Variants in LAMA1 observed in about 807,000 individuals in gnomAD.
LAMA1 encodes the protein laminin subunit alpha 1.
LAMA1 carries 219 observed loss-of-function variants against 348.7 expected under a neutral mutation model. The ratio of observed to expected loss-of-function variants is 0.63; its 90% CI spans 0.56 to 0.70. The LOEUF (loss-of-function observed/expected upper bound fraction) is 0.70, where lower values mean the gene tolerates loss of function less well. Ranked by LOEUF, LAMA1 falls within the 30% of genes least tolerant of loss-of-function variation. The probability of loss-of-function intolerance (pLI) is 0.00; values close to 1 mark genes in which losing one functional copy is unlikely to be tolerated. For synonymous variants in LAMA1, 1,487 were observed against 1,491.0 expected (o/e 1.00, Z 0.06); for missense variants, 3,744 against 3,888.0 (o/e 0.96, Z 0.99).
intron 26 of LAMA1, 47 bp downstream of exon 26, chr18:7,010,153 A>AT (rs769449386): frequency 6.2e-7 from 1 of 1,601,592 alleles, no homozygotes; most frequent in Non-Finnish European, 8.6e-7. Context: ...CATCCATAGC[A>AT]AAGTCAATGT....
intron 1 of LAMA1, among the ~76,000 whole-genome samples, chr18:7,096,220 G>A (rs969610540): frequency 1.3e-4 from 20 of 152,192 alleles, no homozygotes; most frequent in African/African-American, 4.8e-4. Flanking sequence ...ACATTCCAGA[G>A]GCACCCTGCT....
At chr18:7,042,049 G>A in intron 9 of LAMA1, 96 bp downstream of exon 9, 3 of 837,014 alleles carry the variant, frequency 3.6e-6, no homozygotes, top group South Asian at 1.4e-5. Context: ...CAATAATCAT[G>A]TTACCAACTG....
At position 7,021,841 on chromosome 18, in the gene LAMA1, ATTATATTATAT is replaced by A. The variant is rs556945103; in HGVS notation, c.2701+1312_2701+1322del. 6.5e-3 allele frequency among the ~76,000 whole-genome samples: 440 copies of A among 67,240 alleles called. 4 individuals carry two copies. Among genetic ancestry groups the A allele is most frequent in the African/African-American group, 0.031 (415 of 13,464 alleles). 44.1% of individuals were successfully genotyped at this position (67,240 alleles called of 152,430 possible). On this transcript the variant is annotated intron_variant, in intron 19 of 62. Transcript: ENST00000389658. ...TATATATTATATAATATAATAATAT[ATTATATTATAT>A]TATATATATTATATATTAGAAAATA...
In LAMA1 at chr18:6,975,565, G is replaced by A. The variant is rs114951386; in HGVS notation, c.6489+372C>T. ...TTCTCACTGGCACAGCCAAGGTATCGAAGACCTTTCATAGGCACTTGCCAT... is the reference window on the plus strand; with the variant it reads ...TTCTCACTGGCACAGCCAAGGTATCAAAGACCTTTCATAGGCACTTGCCAT... On this transcript the variant is annotated intron_variant, in intron 45 of 62. Coordinates refer to ENST00000389658, the MANE Select transcript of LAMA1 (RefSeq NM_005559.4). Among the ~76,000 whole-genome samples, 431 of 152,272 alleles carry A rather than the reference G, an allele frequency of 2.8e-3. 1 individual carries two copies. The highest frequency in any genetic ancestry group is 9.7e-3 in the African/African-American group (403 of 41,562).
At chr18:6,996,329 G>A (rs2057781124) in intron 33 of LAMA1, among the ~76,000 whole-genome samples, 1 of 152,028 alleles carries the variant, frequency 6.6e-6, no homozygotes, top group Admixed American at 6.6e-5. Context: ...CACACCTAAG[G>A]AAGTCCTAAG....
chr18:7,043,990 C>T (rs1307552325), intron 7 of LAMA1, among the ~76,000 whole-genome samples: 1 of 151,740 alleles, frequency 6.6e-6, no homozygotes, highest in Non-Finnish European at 1.5e-5. Flanking sequence ...CCCGTCTCTA[C>T]TAAAAATACA....
At chr18:7,083,750 A>G (rs2058202962) in intron 1 of LAMA1, among the ~76,000 whole-genome samples, 1 of 152,118 alleles carries the variant, frequency 6.6e-6, no homozygotes, top group Non-Finnish European at 1.5e-5. Flanking sequence ...GCAAAGAACC[A>G]CATCTGTTCC....
intron 3 of LAMA1, among the ~76,000 whole-genome samples, chr18:7,063,938 C>T (rs1045248938): frequency 3.3e-5 from 5 of 152,030 alleles, no homozygotes; most frequent in East Asian, 1.9e-4. Context: ...ATGGTGGTGA[C>T]GGTTGCACAA....
Position 6,965,286 on chromosome 18 carries a change from A to T in LAMA1, c.7195+2T>A, listed in dbSNP as rs746280012. 15 of 1,613,998 alleles carry T rather than the reference A, an allele frequency of 9.3e-6. No homozygotes were observed. Among genetic ancestry groups the T allele is most frequent in the Non-Finnish European group, 1.3e-5 (15 of 1,180,012 alleles). On this transcript the variant is annotated splice_donor_variant, in intron 50 of 62. Coordinates refer to ENST00000389658, the MANE Select transcript of LAMA1 (RefSeq NM_005559.4). LOFTEE classifies it high-confidence loss of function. ...ATCTGGTGAGTCCATCTGTGTCCCT[A>T]CCTTGCTTCCGGTTTCGCTGGAAGG...
chr18:6,959,645 G>T (rs2057598053), intron 53 of LAMA1, 153 bp from the exon 54 acceptor site: 1 of 773,210 alleles, frequency 1.3e-6, no homozygotes, highest in African/African-American at 1.7e-5. Context: ...GTTACATTTT[G>T]TATGTTACTT....
rs1359532471 is a variant in LAMA1 at position 7,008,626 on chromosome 18, T to C, written c.4002-18A>G. 3 of 1,613,506 alleles carry C rather than the reference T, an allele frequency of 1.9e-6. No individual in the cohort carries two copies. Among genetic ancestry groups the C allele is most frequent in the South Asian group, 2.2e-5 (2 of 91,088 alleles). On this transcript the variant is annotated intron_variant, in intron 27 of 62. Transcript: ENST00000389658. ...CTGAGATTCTGTGCAGCCATCATGTTAAGAGAGGAAACGCTAACATTTGAA... is the reference window on the plus strand; with the variant it reads ...CTGAGATTCTGTGCAGCCATCATGTCAAGAGAGGAAACGCTAACATTTGAA...
At position 6,982,901 on chromosome 18, in the gene LAMA1, T is replaced by G. The variant is rs77841014; in HGVS notation, c.5796+198A>C. ...TGTGAGATTGTTCTCATCTCCACAC[T>G]GGTTTCTAGTCTGTATAAAGAAGTA... On this transcript the variant is annotated intron_variant, in intron 40 of 62. Coordinates refer to ENST00000389658, the MANE Select transcript of LAMA1 (RefSeq NM_005559.4). Among the ~76,000 whole-genome samples, 350 of 152,368 alleles carry G rather than the reference T, an allele frequency of 2.3e-3. 2 individuals are homozygous for G. The highest frequency in any genetic ancestry group is 7.9e-3 in the African/African-American group (330 of 41,594).
intron 41 of LAMA1, among the ~76,000 whole-genome samples, chr18:6,981,113 A>AG (rs2057710044): frequency 1.3e-5 from 2 of 152,130 alleles, no homozygotes; most frequent in African/African-American, 2.4e-5. Flanking sequence ...AAAAAAAAAA[A>AG]AAAAGAAATT....
Position 7,016,521 on chromosome 18 carries a change from A to G in LAMA1, c.2959T>C (p.Phe987Leu). The change falls in exon 21 of 63, where the codon TTC (phenylalanine) becomes CTC (leucine). Residue 987 changes from phenylalanine to leucine, a missense_variant. Around this residue, in one of 3 missense-constraint regions of LAMA1, gnomAD observed 1,529 missense variants for 1,689.4 expected, o/e 0.91. Coordinates refer to ENST00000389658, the MANE Select transcript of LAMA1 (RefSeq NM_005559.4). Reference protein sequence around the residue: ...GKRCDRCAHGFYAYQDGSCTP... With the variant: ...GKRCDRCAHGLYAYQDGSCTP... The stretch of plus-strand genomic sequence containing the variant: ...CAGCTACCATCCTGGTAGGCGTAGA[A>G]GCCATGGGCACACCTGTCACACCTT... The G allele has an allele frequency of 6.2e-7, 1 of 1,614,212 alleles. No individual in the cohort carries two copies. Among genetic ancestry groups the G allele is most frequent in the Non-Finnish European group, 8.5e-7 (1 of 1,180,048 alleles).
chr18:7,034,759 A>C (rs2057986944), intron 13 of LAMA1, 69 bp from the exon 14 acceptor site: 2 of 1,463,722 alleles, frequency 1.4e-6, no homozygotes, highest in African/African-American at 2.8e-5. Context: ...ATAAAATCAA[A>C]TTTTGTATTC....
Position 7,007,181 on chromosome 18 carries a change from G to C in LAMA1, c.4218C>G (p.Asn1406Lys). 6.2e-7 allele frequency: 1 copy of C among 1,614,180 alleles called. No homozygotes were observed. Among genetic ancestry groups the C allele is most frequent in the Non-Finnish European group, 8.5e-7 (1 of 1,180,032 alleles). The change falls in exon 29 of 63, where the codon AAC becomes AAG. Residue 1406 changes from asparagine to lysine, a missense_variant. By Grantham distance (94) the Asn-to-Lys change is moderately conservative. Coordinates refer to ENST00000389658, the MANE Select transcript of LAMA1 (RefSeq NM_005559.4). Reference protein sequence around the residue: ...LVAPCVPCSCNNHSDTCDPNT... With the variant: ...LVAPCVPCSCKNHSDTCDPNT... The stretch of plus-strand genomic sequence containing the variant: ...TGGGGTCACAGGTGTCACTGTGGTT[G>C]TTGCAACTGCAGGGAACACAAGGAG...
intron 7 of LAMA1, among the ~76,000 whole-genome samples, 170 bp from the exon 8 acceptor site, chr18:7,043,575 T>C (rs1003910730): frequency 6.6e-6 from 1 of 152,154 alleles, no homozygotes; most frequent in African/African-American, 2.4e-5. Context: ...GGAAGAGCTA[T>C]TAATATCAAA....
intron 1 of LAMA1, among the ~76,000 whole-genome samples, chr18:7,093,826 G>A (rs546541066): frequency 6.7e-4 from 99 of 148,022 alleles, no homozygotes; most frequent in African/African-American, 2.3e-3. Flanking sequence ...CCAGGCTGGA[G>A]TGCAGTGTCA....
chr18:7,040,123 C>A lies in LAMA1; in HGVS notation c.1375G>T (p.Val459Leu). The A allele has an allele frequency of 6.2e-7, 1 of 1,614,134 alleles. No individual in the cohort carries two copies. Among genetic ancestry groups the A allele is most frequent in the Non-Finnish European group, 8.5e-7 (1 of 1,180,020 alleles). Reference protein sequence around the residue: ...PTCVSCGCNPVGSASDEPCTG... With the variant: ...PTCVSCGCNPLGSASDEPCTG... ...CAGGGCTCATCACTGGCACTGCCCA[C>A]TGGGTTGCACCCACAGGAGACACAG... Residue 459 changes from valine to leucine, a missense_variant, in exon 10 of 63, where the codon GTG becomes TTG. Val to Leu is a conservative substitution (Grantham distance 32). Coordinates refer to ENST00000389658, the MANE Select transcript of LAMA1 (RefSeq NM_005559.4).
Sources: gnomAD v4.1 joint callset for allele counts (sites outside exome capture counted in the v4.1 genomes callset) on GRCh38, gnomAD v4.1.1 for gene constraint, gnomAD v4.1.1 regional missense constraint, MANE v1.5 for transcripts, NCBI Gene and HGNC (gene_info 2026-07-23, HGNC 2026-07-21) for gene names.